The following CBX8 variants were observed in gnomAD, a reference collection of about 807,000 sequenced individuals.
CBX8 encodes the protein chromobox protein homolog 8.
CBX8 carries 8 observed loss-of-function variants against 39.7 expected under a neutral mutation model. The observed-to-expected ratio is 0.20, with a 90% CI of 0.12 to 0.36. CBX8 has a LOEUF of 0.36. Ranked by LOEUF, CBX8 falls within the 10% of genes least tolerant of loss-of-function variation. CBX8 has a pLI of 1.00. For synonymous variants in CBX8, 268 were observed against 219.8 expected, an observed-to-expected ratio of 1.22 and a Z score of -1.94; for missense variants, 505 against 529.6, an observed-to-expected ratio of 0.95 and a Z score of 0.46.
In CBX8 at chr17:79,796,142, G is replaced by A. The variant is rs1015212672; in HGVS notation, c.180-19C>T. The A allele has an allele frequency of 4.3e-5, 69 of 1,613,942 alleles. No individual in the cohort carries two copies. The highest frequency in any genetic ancestry group is 5.7e-5 in the Non-Finnish European group (67 of 1,179,894). On this transcript the variant is annotated intron_variant, in intron 3 of 4. Transcript: ENST00000269385. ...TCTTTCCCTGGAGAAAGAAGAAAAG[G>A]AGAAAGGGTGCGTGAGTAAAGAAAG...
Position 79,795,327 on chromosome 17 carries a change from G to T in CBX8, c.478C>A (p.Arg160=), listed in dbSNP as rs201387278. The change falls in exon 5 of 5, where the codon CGG becomes AGG. Residue 160 remains arginine, a synonymous_variant. Transcript: ENST00000269385. The surrounding 1 kb of genome is among the most constrained non-coding windows in gnomAD (Gnocchi z 5.8). ...CGCTCCCTCTCCCTTTCTCGATCCCGCTCCCGGTCCCTATCCCGGTCTCGG... is the reference window on the plus strand; with the variant it reads ...CGCTCCCTCTCCCTTTCTCGATCCCTCTCCCGGTCCCTATCCCGGTCTCGG... ...RDRDRDRDRE[R]DRERERERER... is the part of the protein sequence containing the mutation. The T allele has an allele frequency of 6.3e-7, 1 of 1,581,878 alleles. No individual in the cohort carries two copies. The highest frequency in any genetic ancestry group is 1.1e-5 in the South Asian group (1 of 87,302).
rs1908058119 is a variant in CBX8, at chr17:79,795,648, C to T, written c.247-90G>A. On this transcript the variant is annotated intron_variant, in intron 4 of 4. Coordinates refer to ENST00000269385, the MANE Select transcript of CBX8 (RefSeq NM_020649.3). The surrounding 1 kb of genome is among the most constrained non-coding windows in gnomAD (Gnocchi z 5.8). ...TCTATCCCTGACCTCCTATCTTTAC[C>T]CTATGATGCCTGGGAATTTCTACAT... 1 of 636,488 alleles carries T rather than the reference C, an allele frequency of 1.6e-6. No homozygotes were observed. The highest frequency in any genetic ancestry group is 2.1e-6 in the Non-Finnish European group (1 of 482,282). 39.4% of individuals were successfully genotyped at this position (636,488 alleles called of 1,614,324 possible).
rs928704483 is a variant in CBX8 at position 79,794,020 on chromosome 17, T to C, written c.*615A>G. 2 of 152,006 alleles carry C rather than the reference T, an allele frequency of 1.3e-5. No homozygotes were observed. The highest frequency in any genetic ancestry group is 4.8e-5 in the African/African-American group (2 of 41,396). The allele number at this position is 152,006 out of a possible 1,614,324, so 9.4% of individuals were successfully genotyped here. On this transcript the variant is annotated 3_prime_UTR_variant, in exon 5 of 5. Transcript: ENST00000269385. ...GAAAAGCTTATTCAAGTTAATACTT[T>C]TTTCCCTAATAGACTTCTTTACCTT...
In CBX8 at chr17:79,794,870, C is replaced by G; in HGVS notation, c.935G>C (p.Gly312Ala). 6.2e-7 allele frequency: 1 copy of G among 1,611,496 alleles called. No individual in the cohort carries two copies. The highest frequency in any genetic ancestry group is 8.5e-7 in the Non-Finnish European group (1 of 1,178,822). The part of the protein sequence containing the change: ...PNGTRVRHGS[G>A]PPSSGGGLYR... ...CAGGCCCCCCCCAGAGCTGGGGGGG[C>G]CTGAGCCATGTCGGACCCGGGTGCC... The change falls in exon 5 of 5, where the codon GGC becomes GCC. Residue 312 changes from glycine to alanine, a missense_variant. Gly to Ala is a moderately conservative substitution (Grantham distance 60). This residue lies in a region of CBX8 where 456 missense variants were observed against 389.2 expected (regional missense o/e 1.17). Transcript: ENST00000269385.
chr17:79,795,546 C>A lies in CBX8; in HGVS notation c.259G>T (p.Ala87Ser). ...CGAAACTCGTAAGTTTTGGCCTTTG[C>A]CTTGGCCTGCGCCTGCAGGAGAGAA... is the stretch of plus-strand genomic sequence containing the variant. ...KTFLLKAQAK[A>S]KAKTYEFRSD... The change falls in exon 5 of 5, where the codon GCA becomes TCA. Residue 87 changes from alanine to serine, a missense_variant. Ala to Ser is a moderately conservative substitution (Grantham distance 99). Coordinates refer to ENST00000269385, the MANE Select transcript of CBX8 (RefSeq NM_020649.3). This position sits in a 1 kb window ranked among gnomAD's most constrained non-coding sequence, Gnocchi z 5.8. 1 of 1,522,006 alleles carries A rather than the reference C, an allele frequency of 6.6e-7. No individual in the cohort carries two copies. The highest frequency in any genetic ancestry group is 8.8e-7 in the Non-Finnish European group (1 of 1,136,840). 94.3% of individuals were successfully genotyped at this position (1,522,006 alleles called of 1,614,324 possible).
rs1310283859 is a variant in CBX8, at chr17:79,792,891, G to A, written c.*1744C>T. On this transcript the variant is annotated 3_prime_UTR_variant, in exon 5 of 5. Coordinates refer to ENST00000269385, the MANE Select transcript of CBX8 (RefSeq NM_020649.3). ...CCTCCCAGCACCCCCCACCCCACGC[G>A]AAGCTCCCCCACCCCCGACTCCCCG... 1 of 133,924 alleles carries A rather than the reference G, an allele frequency of 7.5e-6. No homozygotes were observed. The highest frequency in any genetic ancestry group is 2.7e-5 in the African/African-American group (1 of 36,562). 8.3% of individuals were successfully genotyped at this position (133,924 alleles called of 1,614,324 possible). A position where few individuals can be genotyped will look rare whatever the true frequency, so the allele number is the denominator to read the frequency against.
intron 4 of CBX8, 28 bp downstream of exon 4, chr17:79,796,029 C>T: frequency 2.5e-6 from 4 of 1,608,604 alleles, no homozygotes; most frequent in South Asian, 2.2e-5. Context: ...ATAACATGGT[C>T]CTCCACCATT....
In CBX8 at chr17:79,795,073, G is replaced by T; in HGVS notation, c.732C>A (p.Gly244=). 1.2e-6 allele frequency: 2 copies of T among 1,609,500 alleles called. No homozygotes were observed. Among genetic ancestry groups the T allele is most frequent in the African/African-American group, 1.3e-5 (1 of 75,008 alleles). The change falls in exon 5 of 5, where the codon GGC becomes GGA. Residue 244 remains glycine (G), a synonymous_variant. Coordinates refer to ENST00000269385, the MANE Select transcript of CBX8 (RefSeq NM_020649.3). This position sits in a 1 kb window ranked among gnomAD's most constrained non-coding sequence, Gnocchi z 5.8. The part of the protein sequence containing the change: ...TPSGAGKFPA[G]HSVIQLARRQ... ...TTCGGGCCAGCTGGATCACACTGTGGCCGGCTGGAAACTTTCCTGCCCCGG... is the reference window on the plus strand; with the variant it reads ...TTCGGGCCAGCTGGATCACACTGTGTCCGGCTGGAAACTTTCCTGCCCCGG...
chr17:79,795,145 G>T lies in CBX8; in HGVS notation c.660C>A (p.Ala220=). Reference sequence around the variant, plus strand: ...TGCCCTTGAGGTACTCTCCGAGGCCGGCGCTGGGTTCGCCTAAGGGCCTCT... The same window carrying T: ...TGCCCTTGAGGTACTCTCCGAGGCCTGCGCTGGGTTCGCCTAAGGGCCTCT... ...PSQRPLGEPS[A]GLGEYLKGRK... The change falls in exon 5 of 5, where the codon GCC becomes GCA. Residue 220 remains alanine, a synonymous_variant. Transcript: ENST00000269385. This position sits in a 1 kb window ranked among gnomAD's most constrained non-coding sequence, Gnocchi z 5.8. The T allele has an allele frequency of 6.2e-7, 1 of 1,613,652 alleles. No homozygotes were observed. The highest frequency in any genetic ancestry group is 8.5e-7 in the Non-Finnish European group (1 of 1,179,906).
chr17:79,797,006 C>CGCCGCTTCCCCCCTTG lies in CBX8; in HGVS notation c.-24_-9dup, dbSNP rs1372531091. 1.8e-5 allele frequency: 29 copies of CGCCGCTTCCCCCCTTG among 1,607,820 alleles called. No individual in the cohort carries two copies. Among genetic ancestry groups the CGCCGCTTCCCCCCTTG allele is most frequent in the Non-Finnish European group, 2.2e-5 (26 of 1,177,866 alleles). On this transcript the variant is annotated 5_prime_UTR_variant, in exon 1 of 5. Coordinates refer to ENST00000269385, the MANE Select transcript of CBX8 (RefSeq NM_020649.3). The stretch of plus-strand genomic sequence containing the variant: ...CACCGCTGAAAGCTCCATGTTGACT[C>CGCCGCTTCCCCCCTTG]GCCGCTTCCCCCCTTGGCCGCTTCC...
rs1351923510 is a variant in CBX8 at position 79,794,819 on chromosome 17, C to T, written c.986G>A (p.Gly329Glu). Reference protein sequence around the residue: ...GLYRDMGAQGGRPSLIARIPV... With the variant: ...GLYRDMGAQGERPSLIARIPV... Reference sequence around the variant, plus strand: ...GATCCTGGCGATGAGGGAGGGCCTTCCCCCCTGGGCCCCCATGTCCCGGTA... The same window carrying T: ...GATCCTGGCGATGAGGGAGGGCCTTTCCCCCTGGGCCCCCATGTCCCGGTA... The change falls in exon 5 of 5, where the codon GGA becomes GAA. Residue 329 changes from glycine to glutamate, a missense_variant. Physicochemically the swap from Gly to Glu is moderately conservative, Grantham distance 98. Around this residue, in one of 3 missense-constraint regions of CBX8, gnomAD observed 456 missense variants for 389.2 expected, o/e 1.17. Transcript: ENST00000269385. 1.4e-5 allele frequency: 23 copies of T among 1,608,212 alleles called. No homozygotes were observed. The highest frequency in any genetic ancestry group is 1.9e-5 in the Non-Finnish European group (22 of 1,177,176).
Position 79,795,972 on chromosome 17 carries a change from C to T in CBX8, c.246+85G>A. The T allele has an allele frequency of 8.2e-7, 1 of 1,213,276 alleles. No individual in the cohort carries two copies. 75.2% of individuals were successfully genotyped at this position (1,213,276 alleles called of 1,614,324 possible). On this transcript the variant is annotated intron_variant, in intron 4 of 4. Transcript: ENST00000269385. The surrounding 1 kb of genome is among the most constrained non-coding windows in gnomAD (Gnocchi z 5.8). ...TACAAATAGGCAACATGTGTGGACA[C>T]CCCATTGGCTCACAGCCCTCAGAGC...
chr17:79,794,955 C>T lies in CBX8; in HGVS notation c.850G>A (p.Val284Met). The change falls in exon 5 of 5, where the codon GTG (valine) becomes ATG (methionine). Residue 284 changes from valine to methionine, a missense_variant. Physicochemically the swap from Val to Met is conservative, Grantham distance 21. Coordinates refer to ENST00000269385, the MANE Select transcript of CBX8 (RefSeq NM_020649.3). ...KLAVDTFPAR[V>M]IKHRAAFLEA... ...AGGAAGGCAGCCCTGTGCTTTATCACCCTGGCCGGGAAGGTGTCCACAGCC... is the reference window on the plus strand; with the variant it reads ...AGGAAGGCAGCCCTGTGCTTTATCATCCTGGCCGGGAAGGTGTCCACAGCC... The T allele has an allele frequency of 6.2e-7, 1 of 1,605,280 alleles. No individual in the cohort carries two copies. The highest frequency in any genetic ancestry group is 8.5e-7 in the Non-Finnish European group (1 of 1,175,268).
Position 79,796,837 on chromosome 17 carries a change from G to C in CBX8, c.69+93C>G. 2.4e-6 allele frequency: 3 copies of C among 1,254,362 alleles called. No homozygotes were observed. In the South Asian group the frequency reaches 4.0e-5, roughly 17 times the overall value. The allele number at this position is 1,254,362 out of a possible 1,614,324, so 77.7% of individuals were successfully genotyped here. A position where few individuals can be genotyped will look rare whatever the true frequency, so the allele number is the denominator to read the frequency against. On this transcript the variant is annotated intron_variant, in intron 1 of 4. Coordinates refer to ENST00000269385, the MANE Select transcript of CBX8 (RefSeq NM_020649.3). ...GGCCGCGGCCGCTGCTGGGACCTGG[G>C]GGAAGGGAAGCTGGGCTGCAGCAGG...
In CBX8 at chr17:79,795,086, T is replaced by G. The variant is rs745874753; in HGVS notation, c.719A>C (p.Lys240Thr). 9 of 1,611,032 alleles carry G rather than the reference T, an allele frequency of 5.6e-6. No homozygotes were observed. In the South Asian group the frequency reaches 1.0e-4, roughly 18 times the overall value. Reference protein sequence around the residue: ...KLDDTPSGAGKFPAGHSVIQL... With the variant: ...KLDDTPSGAGTFPAGHSVIQL... ...GATCACACTGTGGCCGGCTGGAAAC[T>G]TTCCTGCCCCGGAAGGGGTGTCGTC... The change falls in exon 5 of 5, where the codon AAG becomes ACG. Residue 240 changes from lysine (K) to threonine (T), a missense_variant. By Grantham distance (78) the Lys-to-Thr change is moderately conservative (BLOSUM62 -1). Around this residue, in one of 3 missense-constraint regions of CBX8, gnomAD observed 456 missense variants for 389.2 expected, o/e 1.17. Coordinates refer to ENST00000269385, the MANE Select transcript of CBX8 (RefSeq NM_020649.3). This position sits in a 1 kb window ranked among gnomAD's most constrained non-coding sequence, Gnocchi z 5.8.
chr17:79,796,655 G>T lies in CBX8; in HGVS notation c.70-115C>A, dbSNP rs138018918. 545 of 1,225,490 alleles carry T rather than the reference G, an allele frequency of 4.4e-4. 3 individuals carry two copies. The highest frequency in any genetic ancestry group is 4.1e-3 in the East Asian group (178 of 42,948). 75.9% of individuals were successfully genotyped at this position (1,225,490 alleles called of 1,614,324 possible). On this transcript the variant is annotated intron_variant, in intron 1 of 4. Transcript: ENST00000269385. ...GAATGCTCGAAACCCCGCCGCAAAA[G>T]GCACGCGCCCGCTGCATCACCCCTG...
rs1598233952 is a variant in CBX8, at chr17:79,793,320, G to A, written c.*1315C>T. On this transcript the variant is annotated 3_prime_UTR_variant, in exon 5 of 5. Transcript: ENST00000269385. ...TATAAATTATAGCTTTTGCTTTTAA[G>A]AAGGACGGGGGAAAAAAAAGGAAAA... The A allele has an allele frequency of 6.6e-6, 1 of 152,210 alleles. No individual in the cohort carries two copies. The highest frequency in any genetic ancestry group is 2.4e-5 in the African/African-American group (1 of 41,446). 9.4% of individuals were successfully genotyped at this position (152,210 alleles called of 1,614,324 possible).
At chr17:79,796,006 C>A (rs765771315) in intron 4 of CBX8, 51 bp downstream of exon 4, 68 of 1,566,216 alleles carry the variant, frequency 4.3e-5, no homozygotes, top group Non-Finnish European at 5.6e-5. Flanking sequence ...GCCCCCTTCC[C>A]ACAAATCACT....
intron 3 of CBX8, 39 bp downstream of exon 3, chr17:79,796,211 G>T (rs1324887966): frequency 5.0e-6 from 8 of 1,613,844 alleles, no homozygotes; most frequent in Non-Finnish European, 6.8e-6. Flanking sequence ...CACTCTACTT[G>T]TTTCTAAGTG....
Sources: allele counts gnomAD v4.1 joint callset, GRCh38; gene constraint gnomAD v4.1.1; regional missense constraint gnomAD v4.1.1; non-coding constraint Gnocchi (gnomAD v3.1); transcripts MANE v1.5; gene names NCBI Gene and HGNC (gene_info 2026-07-23, HGNC 2026-07-21).